The following PPFIA2 variants were observed in gnomAD, a reference collection of about 807,000 sequenced individuals.
PPFIA2 encodes the protein liprin-alpha-2.
PPFIA2 carries 46 observed loss-of-function variants against 175.5 expected under a neutral mutation model. That is an observed-to-expected ratio of 0.26 (90% CI 0.21 to 0.34). PPFIA2 has a LOEUF of 0.34. Ranked by LOEUF, PPFIA2 falls within the 10% of genes least tolerant of loss-of-function variation. PPFIA2 has a pLI of 1.00. For missense variants in PPFIA2, 1,179 were observed against 1,506.1 expected (o/e 0.78, Z 3.60); for synonymous variants, 568 against 511.4 (o/e 1.11, Z -1.49).
At chr12:81,609,948 T>A (rs2060721028) in intron 4 of PPFIA2, among the ~76,000 whole-genome samples, 1 of 152,188 alleles carries the variant, frequency 6.6e-6, no homozygotes, top group South Asian at 2.1e-4. Flanking sequence ...CCTTTATGGA[T>A]CCCTTGTAAA....
intron 3 of PPFIA2, among the ~76,000 whole-genome samples, chr12:81,729,810 T>C (rs2080617999): frequency 6.6e-6 from 1 of 151,436 alleles, no homozygotes; most frequent in African/African-American, 2.4e-5. Flanking sequence ...TGAAGACAGA[T>C]GGGGAAAAAT....
chr12:81,623,060 T>A (rs766150226), intron 4 of PPFIA2, among the ~76,000 whole-genome samples: 11 of 152,108 alleles, frequency 7.2e-5, no homozygotes, highest in South Asian at 4.1e-4. Flanking sequence ...AGAAACAAGA[T>A]AGTGACTATT....
At chr12:81,758,179 T>A (rs2084979474) in intron 2 of PPFIA2, among the ~76,000 whole-genome samples, 3 of 152,116 alleles carry the variant, frequency 2.0e-5, no homozygotes, top group Admixed American at 2.0e-4. Context: ...CTTCATCATT[T>A]CCACACTAAA....
At chr12:81,530,677 TAC>T (rs1381147554) in intron 4 of PPFIA2, among the ~76,000 whole-genome samples, 4 of 151,196 alleles carry the variant, frequency 2.6e-5, no homozygotes, top group African/African-American at 9.7e-5. Context: ...CTGAAGAGGG[TAC>T]AGTCTCCTTA....
intron 3 of PPFIA2, among the ~76,000 whole-genome samples, chr12:81,701,114 AT>A (rs1477321152): frequency 2.0e-5 from 3 of 152,188 alleles, no homozygotes; most frequent in Non-Finnish European, 4.4e-5. Context: ...TACAGGTTAT[AT>A]GGCAAATTAG....
At chr12:81,595,324 CA>C (rs1306778880) in intron 4 of PPFIA2, among the ~76,000 whole-genome samples, 2 of 151,630 alleles carry the variant, frequency 1.3e-5, no homozygotes, top group Non-Finnish European at 2.9e-5. Context: ...TTGAGTCCTA[CA>C]AATTGACACT....
intron 21 of PPFIA2, among the ~76,000 whole-genome samples, chr12:81,329,064 A>G (rs1403129185): frequency 6.6e-6 from 1 of 152,070 alleles, no homozygotes; most frequent in African/African-American, 2.4e-5. Flanking sequence ...TTGGCCTCCC[A>G]AAGCACTGGG....
intron 4 of PPFIA2, among the ~76,000 whole-genome samples, chr12:81,515,426 G>A (rs751786036): frequency 2.0e-5 from 3 of 152,010 alleles, no homozygotes; most frequent in Non-Finnish European, 2.9e-5. Context: ...TAAATATGCT[G>A]TGTTTACACA....
At chr12:81,424,386 T>C (rs2046797220) in intron 7 of PPFIA2, among the ~76,000 whole-genome samples, 1 of 152,186 alleles carries the variant, frequency 6.6e-6, no homozygotes, top group African/African-American at 2.4e-5. Flanking sequence ...ACATATAAAA[T>C]ACATCTATAT....
At chr12:81,410,572 C>A (rs956154048) in intron 7 of PPFIA2, among the ~76,000 whole-genome samples, 1 of 152,006 alleles carries the variant, frequency 6.6e-6, no homozygotes, top group Non-Finnish European at 1.5e-5. Context: ...TTTTAATGTT[C>A]AATCATCATT....
chr12:81,368,097 C>T, intron 13 of PPFIA2: 1 of 1,287,206 alleles, frequency 7.8e-7, no homozygotes, highest in Non-Finnish European at 1.0e-6. Flanking sequence ...GGGTTTTATA[C>T]CCTACCTTAA....
intron 4 of PPFIA2, among the ~76,000 whole-genome samples, chr12:81,615,805 G>A (rs2061379575): frequency 6.6e-6 from 1 of 152,144 alleles, no homozygotes; most frequent in Non-Finnish European, 1.5e-5. Flanking sequence ...GAAATGGGCA[G>A]CCCCTGGCAA....
chr12:81,530,402 A>T (rs1470466769), intron 4 of PPFIA2, among the ~76,000 whole-genome samples: 8 of 151,986 alleles, frequency 5.3e-5, no homozygotes, highest in Non-Finnish European at 8.8e-5. Flanking sequence ...TAGAACTTAA[A>T]TACTCTCTCC....
At chr12:81,545,002 CTAAGATAGAACTTTTTGG>C (rs2066770716) in intron 4 of PPFIA2, among the ~76,000 whole-genome samples, 1 of 151,464 alleles carries the variant, frequency 6.6e-6, no homozygotes, top group African/African-American at 2.4e-5. Context: ...CTAAAACCAC[CTAAGATAGAACTTTTTGG>C]TATCTGCTTT....
chr12:81,594,260 A>G (rs1034700453), intron 4 of PPFIA2, among the ~76,000 whole-genome samples: 11 of 152,228 alleles, frequency 7.2e-5, no homozygotes, highest in African/African-American at 2.6e-4. Context: ...TATTTTAAGC[A>G]CGGAAGCAGG....
At chr12:81,451,654 T>C (rs184543026) in intron 5 of PPFIA2, among the ~76,000 whole-genome samples, 1 of 152,320 alleles carries the variant, frequency 6.6e-6, no homozygotes. Context: ...TTTTTATTAA[T>C]ATAAACAGAC....
At chr12:81,318,439 T>C (rs2139474329) in intron 22 of PPFIA2, among the ~76,000 whole-genome samples, 1 of 151,862 alleles carries the variant, frequency 6.6e-6, no homozygotes, top group East Asian at 1.9e-4. Context: ...TGTTCCCCTA[T>C]ATAGAGGAAA....
At chr12:81,302,202 C>A (rs1320063303) in intron 22 of PPFIA2, 3 of 408,754 alleles carry the variant, frequency 7.3e-6, no homozygotes, top group Non-Finnish European at 1.5e-5. Flanking sequence ...CCATGTACAA[C>A]ATTTTGTATT....
chr12:81,745,283 T>C (rs2153658715), intron 3 of PPFIA2, among the ~76,000 whole-genome samples: 1 of 152,282 alleles, frequency 6.6e-6, no homozygotes, highest in African/African-American at 2.4e-5. Context: ...TCAGGCTTAC[T>C]TCAAGCCCTG....
Sources: gnomAD v4.1 joint callset for allele counts (sites outside exome capture counted in the v4.1 genomes callset) on GRCh38, gnomAD v4.1.1 for gene constraint, MANE v1.5 for transcripts, NCBI Gene and HGNC (gene_info 2026-07-23, HGNC 2026-07-21) for gene names.